Variants in OCA2 observed in about 807,000 individuals in gnomAD.
OCA2 encodes OCA2 melanosomal transmembrane protein.
A neutral mutation model predicts 100.2 loss-of-function variants in OCA2; 77 were observed. The ratio of observed to expected loss-of-function variants is 0.77; its 90% CI spans 0.64 to 0.93. The LOEUF (loss-of-function observed/expected upper bound fraction) is 0.93. OCA2 is among the 40% of genes least tolerant of loss of function. The pLI, the probability that OCA2 is intolerant of heterozygous loss-of-function variation, is 0.00. For missense variants in OCA2, 1,062 were observed against 1,089.1 expected (o/e 0.98, Z 0.35); for synonymous variants, 432 against 439.2 (o/e 0.98, Z 0.21).
chr15:27,851,291 G>T, intron 22 of OCA2, 91 bp downstream of exon 22: 1 of 1,049,340 alleles, frequency 9.5e-7, no homozygotes, highest in Non-Finnish European at 1.5e-6. Context: ...TCCTTCATTT[G>T]CTTTTAATCT....
the OCA2 span, among the ~76,000 whole-genome samples, chr15:27,740,469 C>T: frequency 1.3e-5 from 2 of 151,998 alleles, no homozygotes; most frequent in African/African-American, 2.4e-5. Flanking sequence ...ACTCGTGCAT[C>T]TGGTCATCTC....
intron 9 of OCA2, among the ~76,000 whole-genome samples, chr15:28,012,286 C>A (rs1319425899): frequency 6.6e-6 from 1 of 152,200 alleles, no homozygotes; most frequent in African/African-American, 2.4e-5. Context: ...GGCAGGGGCA[C>A]ATGGACAGCT....
intron 23 of OCA2, among the ~76,000 whole-genome samples, chr15:27,810,028 T>C (rs944724767): frequency 1.3e-5 from 2 of 152,092 alleles, no homozygotes; most frequent in African/African-American, 4.8e-5. Flanking sequence ...CTAAACTTCA[T>C]GTGCTACCAA....
chr15:27,784,192 A>G (rs1038498958), intron 23 of OCA2, among the ~76,000 whole-genome samples: 2 of 152,316 alleles, frequency 1.3e-5, no homozygotes, highest in East Asian at 3.9e-4. Flanking sequence ...AAATCAGTTC[A>G]AAGAAAACAC....
At chr15:27,965,802 G>T (rs1452865671) in intron 15 of OCA2, among the ~76,000 whole-genome samples, 1 of 152,196 alleles carries the variant, frequency 6.6e-6, no homozygotes, top group Non-Finnish European at 1.5e-5. Flanking sequence ...TCAAGGAAAG[G>T]CTGCTTGTTT....
At chr15:27,738,230 T>C in the OCA2 span, among the ~76,000 whole-genome samples, 13 of 151,968 alleles carry the variant, frequency 8.6e-5, no homozygotes, top group Non-Finnish European at 8.8e-5. Flanking sequence ...GCACAATTAT[T>C]AATAAGACCT....
Position 27,957,498 on chromosome 15 carries a change from A to G in OCA2, c.1784+90T>C. 10 of 1,432,832 alleles carry G rather than the reference A, an allele frequency of 7.0e-6. No homozygotes were observed. In the South Asian group the frequency reaches 9.2e-5, roughly 13 times the overall value. 88.8% of individuals were successfully genotyped at this position (1,432,832 alleles called of 1,614,324 possible). On this transcript the variant is annotated intron_variant, in intron 16 of 23. Transcript: ENST00000354638. The surrounding 1 kb of genome is among the most constrained non-coding windows in gnomAD (Gnocchi z 4.3). Reference sequence around the variant, plus strand: ...AGTGTGCGTCACCTAAATATCACGTATTAGTATACAGCTAATGTCGCTATT... The same window carrying G: ...AGTGTGCGTCACCTAAATATCACGTGTTAGTATACAGCTAATGTCGCTATT...
At chr15:28,005,472 G>A (rs567145959) in intron 9 of OCA2, among the ~76,000 whole-genome samples, 78 of 152,252 alleles carry the variant, frequency 5.1e-4, no homozygotes, top group African/African-American at 1.7e-3. Context: ...ACATCGAGGC[G>A]TCGCAGGAAC....
At chr15:27,798,270 C>T (rs1313539383) in intron 23 of OCA2, among the ~76,000 whole-genome samples, 2 of 152,122 alleles carry the variant, frequency 1.3e-5, no homozygotes, top group Admixed American at 1.3e-4. Flanking sequence ...GACCGGAGCT[C>T]TTGTGAGCTC....
the OCA2 span, among the ~76,000 whole-genome samples, chr15:27,737,687 A>T: frequency 6.6e-6 from 1 of 152,246 alleles, no homozygotes; most frequent in African/African-American, 2.4e-5. Flanking sequence ...AGGTGAGCAA[A>T]TATTCCTTAC....
At chr15:27,721,645 T>C in the OCA2 span, among the ~76,000 whole-genome samples, 1 of 152,284 alleles carries the variant, frequency 6.6e-6, no homozygotes, top group East Asian at 1.9e-4. Flanking sequence ...CAAAGGACAA[T>C]TATCACATTC....
chr15:27,960,905 CAA>C (rs758989766), intron 15 of OCA2, among the ~76,000 whole-genome samples: 11 of 105,574 alleles, frequency 1.0e-4, no homozygotes, highest in African/African-American at 3.9e-4. Context: ...GGCTCCATCT[CAA>C]AAAAAAAAAA....
chr15:27,922,480 T>C (rs1276066873), intron 19 of OCA2, among the ~76,000 whole-genome samples: 1 of 152,248 alleles, frequency 6.6e-6, no homozygotes, highest in Non-Finnish European at 1.5e-5. Context: ...ACAGTTATGA[T>C]TGAATCCTGC....
chr15:27,738,436 A>T, the OCA2 span, among the ~76,000 whole-genome samples: 1 of 152,198 alleles, frequency 6.6e-6, no homozygotes, highest in Non-Finnish European at 1.5e-5. Flanking sequence ...GCTTCCACTT[A>T]TAAGAAGCTC....
intron 22 of OCA2, among the ~76,000 whole-genome samples, chr15:27,848,520 G>T (rs572386108): frequency 6.6e-6 from 1 of 152,280 alleles, no homozygotes; most frequent in South Asian, 2.1e-4. Context: ...GAAGCACAGG[G>T]GGGTCGGGCC....
intron 14 of OCA2, among the ~76,000 whole-genome samples, chr15:27,968,250 C>A (rs2140844966): frequency 6.6e-6 from 1 of 152,316 alleles, no homozygotes; most frequent in Non-Finnish European, 1.5e-5. Flanking sequence ...ATGAAGCTGG[C>A]CATCTGGCAA....
At chr15:27,753,130 C>A (rs186799520), downstream of OCA2, among the ~76,000 whole-genome samples, 4 of 151,858 alleles carry the variant, frequency 2.6e-5, no homozygotes, top group Non-Finnish European at 4.4e-5. Context: ...AACTAAGCTA[C>A]GAGGGAGTTG....
chr15:27,853,652 G>A lies in OCA2; in HGVS notation c.2245-2177C>T, dbSNP rs1037326642. On this transcript the variant is annotated intron_variant, in intron 21 of 23. Transcript: ENST00000354638. The stretch of plus-strand genomic sequence containing the variant: ...GGCTTATGTTGCTAGAAGGAGCTGG[G>A]AAGGACACAGCCATTGAGCCTGCCT... Among the ~76,000 whole-genome samples the A allele has an allele frequency of 5.3e-5, 8 of 152,032 alleles. 1 individual carries two copies. Among genetic ancestry groups the A allele is most frequent in the Admixed American group, 5.2e-4 (8 of 15,280 alleles).
At chr15:27,904,256 G>A (rs2038082172) in intron 19 of OCA2, among the ~76,000 whole-genome samples, 1 of 152,262 alleles carries the variant, frequency 6.6e-6, no homozygotes, top group South Asian at 2.1e-4. Flanking sequence ...ACCAGAGCAG[G>A]GCCCACTGCA....
Sources: allele counts gnomAD v4.1 joint callset (sites outside exome capture counted in the v4.1 genomes callset), GRCh38; gene constraint gnomAD v4.1.1; non-coding constraint Gnocchi (gnomAD v3.1); transcripts MANE v1.5; gene names NCBI Gene and HGNC (gene_info 2026-07-23, HGNC 2026-07-21).